Variants in UBXN11 observed in about 807,000 individuals in gnomAD.
The protein encoded by UBXN11 is UBX domain-containing protein 11.
A neutral mutation model predicts 62.8 loss-of-function variants in UBXN11; 47 were observed. The observed-to-expected ratio is 0.75, with a 90% CI of 0.59 to 0.95. The LOEUF (loss-of-function observed/expected upper bound fraction) is 0.95, where lower values mean the gene tolerates loss of function less well. UBXN11 is among the 40% of genes least tolerant of loss of function. The pLI, the probability that UBXN11 is intolerant of heterozygous loss-of-function variation, is 0.00. For synonymous variants in UBXN11, 294 were observed against 267.0 expected (o/e 1.10, Z -0.99); for missense variants, 638 against 661.7 (o/e 0.96, Z 0.39).
chr1:26,300,728 G>A (rs921830215), intron 4 of UBXN11, among the ~76,000 whole-genome samples, 198 bp downstream of exon 4: 2 of 152,186 alleles, frequency 1.3e-5, no homozygotes, highest in Non-Finnish European at 2.9e-5. Flanking sequence ...CTGGGGCTGG[G>A]CCTCGGCCTC....
intron 1 of UBXN11, among the ~76,000 whole-genome samples, chr1:26,315,096 AAG>A (rs1432549839): frequency 6.6e-6 from 1 of 152,170 alleles, no homozygotes; most frequent in East Asian, 1.9e-4. Flanking sequence ...GGGAAAAAAA[AAG>A]AGTTTGCCAG....
intron 1 of UBXN11, among the ~76,000 whole-genome samples, chr1:26,315,977 T>TTTTTTG (rs2073789667): frequency 1.3e-5 from 2 of 149,386 alleles, no homozygotes; most frequent in Non-Finnish European, 3.0e-5. Flanking sequence ...TTTTTTTTTT[T>TTTTTTG]GAGACAGGGT....
At chr1:26,308,265 CAA>C (rs112792329), upstream of UBXN11, among the ~76,000 whole-genome samples, 3 of 78,384 alleles carry the variant, frequency 3.8e-5, no homozygotes, top group African/African-American at 8.8e-5. Context: ...GAAACTCTGT[CAA>C]AAAAAAAAAA....
intron 8 of UBXN11, among the ~76,000 whole-genome samples, chr1:26,293,995 C>A (rs1308560080): frequency 6.6e-6 from 1 of 152,070 alleles, no homozygotes; most frequent in African/African-American, 2.4e-5. Context: ...AGAGGTAGGA[C>A]CGTGGAGAAG....
chr1:26,306,826 G>GTT (rs1557691975), upstream of UBXN11: 1 of 79,336 alleles, frequency 1.3e-5, no homozygotes, highest in South Asian at 4.4e-4. Context: ...GTCCGGGGCG[G>GTT]GGTGGGGGGG....
rs750853098 is a variant in UBXN11 at position 26,282,569 on chromosome 1, C to T, written c.1293G>A (p.Arg431=). The change falls in exon 15 of 15, where the codon AGG becomes AGA. Residue 431 remains arginine (R), a splice_region_variant and synonymous_variant. Coordinates refer to ENST00000374222, the MANE Select transcript of UBXN11 (RefSeq NM_001389556.1). Reference sequence around the variant, plus strand: ...TCTCAAAGGCAGAGGCATCCATGACCCTGGGGACCAGGCAGAGCAGATCAG... The same window carrying T: ...TCTCAAAGGCAGAGGCATCCATGACTCTGGGGACCAGGCAGAGCAGATCAG... The part of the protein sequence containing the change: ...GDVRALLAQA[R]VMDASAFEIF... 40 of 1,602,722 alleles carry T rather than the reference C, an allele frequency of 2.5e-5. No homozygotes were observed. Among genetic ancestry groups the T allele is most frequent in the Non-Finnish European group, 3.2e-5 (38 of 1,172,110 alleles).
At chr1:26,300,276 T>C (rs1472813653) in intron 4 of UBXN11, among the ~76,000 whole-genome samples, 2 of 152,180 alleles carry the variant, frequency 1.3e-5, no homozygotes, top group Non-Finnish European at 2.9e-5. Flanking sequence ...CCCAACACGC[T>C]GCCCTCGCTG....
Position 26,300,932 on chromosome 1 carries a change from G to A in UBXN11, c.193C>T (p.Arg65Trp), listed in dbSNP as rs141351708. ...TTCAGGCCTCTGCTCTCACCTTGCCGACTCACAGGGGCACCTATGCCGCCA... is the reference window on the plus strand; with the variant it reads ...TTCAGGCCTCTGCTCTCACCTTGCCAACTCACAGGGGCACCTATGCCGCCA... ...CYGGIGAPVSRQVPASHDSEL... is the reference protein window; with the variant it reads ...CYGGIGAPVSWQVPASHDSEL... Residue 65 changes from arginine to tryptophan, a missense_variant, in exon 4 of 15, where the codon CGG becomes TGG. Transcript: ENST00000374222. 3.7e-4 allele frequency: 594 copies of A among 1,614,176 alleles called. 1 individual carries two copies. Among genetic ancestry groups the A allele is most frequent in the Non-Finnish European group, 4.8e-4 (565 of 1,180,016 alleles).
In UBXN11 at chr1:26,294,259, C is replaced by T; in HGVS notation, c.505G>A (p.Val169Ile). 6.2e-7 allele frequency: 1 copy of T among 1,614,228 alleles called. No individual in the cohort carries two copies. The highest frequency in any genetic ancestry group is 1.1e-5 in the South Asian group (1 of 91,090). ...MDQEDSESKTVSEHGERDWMT... is the reference protein window; with the variant it reads ...MDQEDSESKTISEHGERDWMT... ...CAGTCCCTCTCGCCATGCTCTGAGACTGTCTTGCTCTCTGAGTCCTCCTGG... is the reference window on the plus strand; with the variant it reads ...CAGTCCCTCTCGCCATGCTCTGAGATTGTCTTGCTCTCTGAGTCCTCCTGG... The change falls in exon 8 of 15, where the codon GTC becomes ATC. Residue 169 changes from valine to isoleucine, a missense_variant. Coordinates refer to ENST00000374222, the MANE Select transcript of UBXN11 (RefSeq NM_001389556.1).
At chr1:26,294,413 C>A in intron 7 of UBXN11, 82 bp from the exon 8 acceptor site, 4 of 1,557,570 alleles carry the variant, frequency 2.6e-6, no homozygotes, top group Non-Finnish European at 2.6e-6. Flanking sequence ...CAAAGCCCAG[C>A]CTCAGTCTGC....
chr1:26,287,906 CTTT>C (rs11307343), intron 8 of UBXN11, among the ~76,000 whole-genome samples: 11 of 139,170 alleles, frequency 7.9e-5, no homozygotes, highest in Non-Finnish European at 6.2e-5. Flanking sequence ...TGCCTCAACC[CTTT>C]TTTTTTTTTT....
chr1:26,293,850 A>G (rs1327971966), intron 8 of UBXN11, among the ~76,000 whole-genome samples: 1 of 152,054 alleles, frequency 6.6e-6, no homozygotes, highest in Non-Finnish European at 1.5e-5. Context: ...AGCTTCTAGA[A>G]CAGAAGGATT....
At chr1:26,298,924 G>A (rs2073461196) in intron 4 of UBXN11, among the ~76,000 whole-genome samples, 1 of 151,974 alleles carries the variant, frequency 6.6e-6, no homozygotes, top group African/African-American at 2.4e-5. Flanking sequence ...ACAACCACAT[G>A]AGGCTGACAT....
upstream of UBXN11, among the ~76,000 whole-genome samples, chr1:26,307,644 T>TC (rs2073694333): frequency 9.4e-6 from 1 of 106,774 alleles, no homozygotes; most frequent in African/African-American, 3.4e-5. Context: ...TTTTTTTTTT[T>TC]AATTTTCCGT....
intron 2 of UBXN11, 84 bp from the exon 3 acceptor site, chr1:26,301,806 T>G (rs921006478): frequency 5.7e-6 from 9 of 1,566,306 alleles, no homozygotes; most frequent in Non-Finnish European, 7.8e-6. Context: ...GGCACCGGAC[T>G]TCAGCCAAAG....
chr1:26,294,178 G>C (rs1312736219), intron 8 of UBXN11, 27 bp downstream of exon 8: 2 of 1,612,248 alleles, frequency 1.2e-6, no homozygotes, highest in Non-Finnish European at 1.7e-6. Context: ...CTTTTGAAGA[G>C]GGCCTGGGGC....
At chr1:26,290,526 A>G (rs1198739676) in intron 8 of UBXN11, among the ~76,000 whole-genome samples, 1 of 152,096 alleles carries the variant, frequency 6.6e-6, no homozygotes, top group Non-Finnish European at 1.5e-5. Context: ...CTCTGTGGGG[A>G]CAGAGCAGGA....
At chr1:26,289,427 G>A (rs2073206768) in intron 8 of UBXN11, among the ~76,000 whole-genome samples, 1 of 151,844 alleles carries the variant, frequency 6.6e-6, no homozygotes, top group Admixed American at 6.6e-5. Context: ...CTACTCCCTT[G>A]GCCCTCGTCA....
intron 1 of UBXN11, among the ~76,000 whole-genome samples, chr1:26,305,671 C>T (rs1171297812): frequency 2.3e-5 from 1 of 43,802 alleles, no homozygotes; most frequent in Non-Finnish European, 6.6e-5. Context: ...CTCAATAAAG[C>T]TGTCATGGGA....
Sources: allele counts gnomAD v4.1 joint callset (sites outside exome capture counted in the v4.1 genomes callset), GRCh38; gene constraint gnomAD v4.1.1; transcripts MANE v1.5; gene names NCBI Gene and HGNC (gene_info 2026-07-23, HGNC 2026-07-21).